The following ERC1 variants were observed in gnomAD, a reference collection of about 807,000 sequenced individuals.
ERC1 encodes RAB6 interacting protein 2.
A neutral mutation model predicts 132.0 loss-of-function variants in ERC1; 56 were observed. The ratio of observed to expected loss-of-function variants is 0.42; its 90% CI spans 0.34 to 0.53. The LOEUF (loss-of-function observed/expected upper bound fraction) is 0.53. ERC1 is among the 20% of genes least tolerant of loss of function. The pLI is 0.03. For missense variants in ERC1, 1,202 were observed against 1,349.9 expected, an observed-to-expected ratio of 0.89 and a Z score of 1.72; for synonymous variants, 478 against 476.1, an observed-to-expected ratio of 1.00 and a Z score of -0.05.
chr12:1,308,326 GA>G (rs142982428), intron 15 of ERC1, among the ~76,000 whole-genome samples: 9,409 of 146,080 alleles, frequency 0.064, 477 homozygotes, highest in African/African-American at 0.15. Flanking sequence ...CTGAGATAAA[GA>G]AAAAAAAAAT....
chr12:1,193,659 C>T (rs1486574881), intron 12 of ERC1, among the ~76,000 whole-genome samples: 1 of 152,136 alleles, frequency 6.6e-6, no homozygotes, highest in Non-Finnish European at 1.5e-5. Context: ...AAGAGAAGAT[C>T]GTGAGCAGGA....
intron 2 of ERC1, among the ~76,000 whole-genome samples, chr12:1,071,992 T>C (rs973077778): frequency 4.0e-5 from 6 of 151,878 alleles, no homozygotes; most frequent in Non-Finnish European, 8.8e-5. Flanking sequence ...TCTCGGCTAC[T>C]TGGGAGGCTG....
chr12:1,027,960 G>T lies in ERC1; in HGVS notation c.57G>T (p.Gly19=), dbSNP rs111425264. The T allele has an allele frequency of 3.7e-6, 6 of 1,613,914 alleles. No homozygotes were observed. The highest frequency in any genetic ancestry group is 4.2e-6 in the Non-Finnish European group (5 of 1,179,950). ...GKVEPSSQSP[G]RSPRLPRSPR... is the part of the protein sequence containing the mutation. Reference sequence around the variant, plus strand: ...TGGAGCCGAGCAGCCAGAGCCCTGGGCGTTCACCCAGGCTTCCACGTTCCC... The same window carrying T: ...TGGAGCCGAGCAGCCAGAGCCCTGGTCGTTCACCCAGGCTTCCACGTTCCC... Residue 19 remains glycine (G), a synonymous_variant, in exon 2 of 19, where the codon GGG becomes GGT. Coordinates refer to ENST00000360905, the MANE Select transcript of ERC1 (RefSeq NM_178040.4).
intron 18 of ERC1, chr12:1,480,766 G>T: frequency 2.9e-6 from 2 of 699,694 alleles, no homozygotes; most frequent in South Asian, 3.0e-5. Context: ...GGGTTGAAGA[G>T]AGCAAGAATA....
chr12:1,148,488 C>A (rs574411444), intron 8 of ERC1, among the ~76,000 whole-genome samples: 1 of 152,308 alleles, frequency 6.6e-6, no homozygotes, highest in South Asian at 2.1e-4. Context: ...CTTAGTACAC[C>A]ACACTGCCCC....
At chr12:1,349,597 G>A (rs2084808753) in intron 15 of ERC1, among the ~76,000 whole-genome samples, 1 of 150,788 alleles carries the variant, frequency 6.6e-6, no homozygotes, top group Admixed American at 6.6e-5. Context: ...CCGGGAGGCA[G>A]AGGTTGCAGT....
intron 1 of ERC1, among the ~76,000 whole-genome samples, chr12:1,004,828 GTGTGTGTGTGTGTGTGTGTGTA>G (rs1398635807): frequency 7.1e-6 from 1 of 141,100 alleles, no homozygotes; most frequent in Non-Finnish European, 1.6e-5. Flanking sequence ...GTGTGTGTGT[GTGTGTGTGTGTGTGTGTGTGTA>G]TAAATTTTTT....
At chr12:1,445,282 T>G (rs1319852782) in intron 18 of ERC1, among the ~76,000 whole-genome samples, 1 of 139,538 alleles carries the variant, frequency 7.2e-6, no homozygotes, top group Admixed American at 7.9e-5. Context: ...CAGGCTGGAG[T>G]GCAATGGTAT....
At chr12:1,440,244 G>C (rs1298831606) in intron 17 of ERC1, among the ~76,000 whole-genome samples, 2 of 124,504 alleles carry the variant, frequency 1.6e-5, no homozygotes, top group East Asian at 2.2e-4. Flanking sequence ...TTGCTCTGTC[G>C]CCCAGGCTGG....
At chr12:1,380,523 CCT>C (rs1402271691) in intron 16 of ERC1, 1 of 152,208 alleles carries the variant, frequency 6.6e-6, no homozygotes, top group Admixed American at 6.5e-5. Flanking sequence ...CTCTTTGAGC[CCT>C]CTCTGTCTTA....
chr12:1,002,267 G>A (rs1962527158), intron 1 of ERC1, among the ~76,000 whole-genome samples: 1 of 143,006 alleles, frequency 7.0e-6, no homozygotes, highest in Admixed American at 7.4e-5. Context: ...TTGACCTTCT[G>A]GGCTCAAGTG....
chr12:1,446,241 G>T (rs1032453658), intron 18 of ERC1, among the ~76,000 whole-genome samples: 2 of 151,952 alleles, frequency 1.3e-5, no homozygotes, highest in Non-Finnish European at 2.9e-5. Context: ...AAAAAATCAG[G>T]AATAAAAGAA....
At chr12:1,157,738 G>C (rs1192423628) in intron 8 of ERC1, among the ~76,000 whole-genome samples, 1 of 152,160 alleles carries the variant, frequency 6.6e-6, no homozygotes, top group Non-Finnish European at 1.5e-5. Flanking sequence ...AGTGAAGAAA[G>C]GGTTTCAAAG....
chr12:1,036,512 C>T (rs1969118805), intron 2 of ERC1, among the ~76,000 whole-genome samples: 1 of 151,874 alleles, frequency 6.6e-6, no homozygotes, highest in Admixed American at 6.6e-5. Context: ...GTAGCTGGAA[C>T]TGCAGGTGCA....
chr12:1,356,251 T>C (rs891762793), intron 15 of ERC1, among the ~76,000 whole-genome samples: 1 of 149,954 alleles, frequency 6.7e-6, no homozygotes, highest in East Asian at 1.9e-4. Context: ...TGTGTGTTTA[T>C]ATATTTATAT....
chr12:1,118,957 G>T (rs946703333), intron 7 of ERC1, among the ~76,000 whole-genome samples: 2 of 152,184 alleles, frequency 1.3e-5, no homozygotes, highest in Non-Finnish European at 2.9e-5. Context: ...GCTCATTGCA[G>T]CCTGGAACTC....
At chr12:1,290,352 T>A (rs2079354963) in intron 15 of ERC1, among the ~76,000 whole-genome samples, 1 of 152,220 alleles carries the variant, frequency 6.6e-6, no homozygotes, top group African/African-American at 2.4e-5. Context: ...GTATGAAGAC[T>A]AGGCAATTTT....
chr12:1,392,796 T>G (rs1026773722), intron 16 of ERC1, among the ~76,000 whole-genome samples: 3 of 152,222 alleles, frequency 2.0e-5, no homozygotes, highest in African/African-American at 7.2e-5. Flanking sequence ...CTGATTTTAA[T>G]AAATGGTGGT....
chr12:1,046,247 A>G (rs1174303872), intron 2 of ERC1, among the ~76,000 whole-genome samples: 1 of 152,200 alleles, frequency 6.6e-6, no homozygotes, highest in East Asian at 1.9e-4. Flanking sequence ...AAGAAAATAC[A>G]GATTTTAACT....
Sources: gnomAD v4.1 joint callset for allele counts (sites outside exome capture counted in the v4.1 genomes callset) on GRCh38, gnomAD v4.1.1 for gene constraint, MANE v1.5 for transcripts, NCBI Gene and HGNC (gene_info 2026-07-23, HGNC 2026-07-21) for gene names.